IQCC: variants seen among roughly 807,000 people sequenced by gnomAD.
IQCC encodes IQ domain-containing protein C.
A neutral mutation model predicts 27.0 loss-of-function variants in IQCC; 23 were observed. The observed-to-expected ratio is 0.85, with a 90% CI of 0.61 to 1.21. IQCC has a LOEUF of 1.21. Among genes scored for constraint, IQCC ranks in the 50% most tolerant of loss-of-function variants. The pLI, the probability that IQCC is intolerant of heterozygous loss-of-function variation, is 0.00. For missense variants in IQCC, 552 were observed against 562.3 expected, an observed-to-expected ratio of 0.98 and a Z score of 0.19; for synonymous variants, 220 against 217.2, an observed-to-expected ratio of 1.01 and a Z score of -0.11.
Position 32,206,709 on chromosome 1 carries a change from C to G in IQCC, c.387C>G (p.Asn129Lys). Residue 129 changes from asparagine to lysine, a missense_variant, in exon 3 of 5, where the codon AAC (asparagine) becomes AAG (lysine). Transcript: ENST00000291358. ...DHSSWLQMKQ[N>K]RKPSQEKTRD... ...GCTCCTGGCTTCAGATGAAGCAGAACAGGAAACCCAGCCAAGAGAAGACCA... is the reference window on the plus strand; with the variant it reads ...GCTCCTGGCTTCAGATGAAGCAGAAGAGGAAACCCAGCCAAGAGAAGACCA... 6.2e-7 allele frequency: 1 copy of G among 1,614,190 alleles called. No individual in the cohort carries two copies. The highest frequency in any genetic ancestry group is 2.2e-5 in the East Asian group (1 of 44,886).
Position 32,205,675 on chromosome 1 carries a change from G to A in IQCC, c.-7G>A, listed in dbSNP as rs201919712. On this transcript the variant is annotated 5_prime_UTR_variant, in exon 1 of 5. Transcript: ENST00000291358. The surrounding 1 kb of genome is among the most constrained non-coding windows in gnomAD (Gnocchi z 5.6). ...AGGCGCGCGGGCGGGCCTGGCAGTT[G>A]GCGCCCATGGAGCCAGAGCTGCTGG... 7 of 1,594,958 alleles carry A rather than the reference G, an allele frequency of 4.4e-6. No individual in the cohort carries two copies. In the East Asian group the frequency reaches 1.4e-4, roughly 31 times the overall value.
In IQCC at chr1:32,208,652, AG is replaced by A. The variant is rs2124202880; in HGVS notation, c.*572del. On this transcript the variant is annotated 3_prime_UTR_variant, in exon 5 of 5. Transcript: ENST00000291358. Reference sequence around the variant, plus strand: ...AGTTACCTGGGGGAAGTAGAATGAGAGGTCTGTTGGGAATAAAGGTTTTTCT... The same window carrying A: ...AGTTACCTGGGGGAAGTAGAATGAGAGTCTGTTGGGAATAAAGGTTTTTCT... 2 of 175,426 alleles carry A rather than the reference AG, an allele frequency of 1.1e-5. No homozygotes were observed. Among genetic ancestry groups the A allele is most frequent in the East Asian group, 3.2e-4 (2 of 6,284 alleles). 10.9% of individuals were successfully genotyped at this position (175,426 alleles called of 1,614,324 possible). A position where few individuals can be genotyped will look rare whatever the true frequency, so the allele number is the denominator to read the frequency against.
Position 32,205,764 on chromosome 1 carries a change from G to A in IQCC, c.42+41G>A. 1.9e-6 allele frequency: 3 copies of A among 1,607,052 alleles called. No individual in the cohort carries two copies. The highest frequency in any genetic ancestry group is 2.5e-6 in the Non-Finnish European group (3 of 1,177,748). On this transcript the variant is annotated intron_variant, in intron 1 of 4. Coordinates refer to ENST00000291358, the MANE Select transcript of IQCC (RefSeq NM_018134.3). This position sits in a 1 kb window ranked among gnomAD's most constrained non-coding sequence, Gnocchi z 5.6. ...CGGGGTTCACAGGATTTTTCCTTTA[G>A]GGAAATCATGGGGTCTCGTACCTGG...
rs778161172 is a variant in IQCC, at chr1:32,207,210, T to C, written c.559-30T>C. 8 of 1,611,614 alleles carry C rather than the reference T, an allele frequency of 5.0e-6. No individual in the cohort carries two copies. In the East Asian group the frequency reaches 1.8e-4, roughly 36 times the overall value. On this transcript the variant is annotated intron_variant, in intron 4 of 4. Coordinates refer to ENST00000291358, the MANE Select transcript of IQCC (RefSeq NM_018134.3). ...CCTGCCATGCCCAAGCAGGCCTGCT[T>C]GGTACAATGTATGTTCTCTCCCCCA...
rs766752116 is a variant in IQCC at position 32,206,241 on chromosome 1, C to G, written c.130C>G (p.Leu44Val). 2.1e-5 allele frequency: 34 copies of G among 1,614,074 alleles called. No individual in the cohort carries two copies. The East Asian group carries it at 7.1e-4, about 34-fold the overall frequency. ...EAIVREVEGD[L>V]GTLQWTEGRI... ...GATTGTACGAGAGGTCGAGGGCGAC[C>G]TGGGCACGCTTCAGTGGACCGAGGG... Residue 44 changes from leucine (L) to valine (V), a missense_variant, in exon 2 of 5, where the codon CTG (leucine) becomes GTG (valine). Transcript: ENST00000291358.
At position 32,207,284 on chromosome 1, in the gene IQCC, G is replaced by A. The variant is rs143971469; in HGVS notation, c.603G>A (p.Pro201=). The A allele has an allele frequency of 8.7e-5, 141 of 1,613,838 alleles. No individual in the cohort carries two copies. In the African/African-American group the frequency reaches 1.1e-3, roughly 13 times the overall value. The change falls in exon 5 of 5, where the codon CCG becomes CCA. Residue 201 remains proline, a synonymous_variant. Coordinates refer to ENST00000291358, the MANE Select transcript of IQCC (RefSeq NM_018134.3). ...CACTGAGATCCCCAGAGGCGGGCCC[G>A]ATCAGAGAGGAACCCCGCGTGTTCC... ...KQTLRSPEAG[P]IREEPRVFLE... is the part of the protein sequence containing the mutation.
In IQCC at chr1:32,207,773, TGACTGCC is replaced by T; in HGVS notation, c.1095_1101del (p.Asp365GlufsTer103). The T allele has an allele frequency of 6.2e-7, 1 of 1,614,004 alleles. No individual in the cohort carries two copies. The highest frequency in any genetic ancestry group is 8.5e-7 in the Non-Finnish European group (1 of 1,179,984). On this transcript the variant is annotated frameshift_variant, in exon 5 of 5. Coordinates refer to ENST00000291358, the MANE Select transcript of IQCC (RefSeq NM_018134.3). LOFTEE classifies it low-confidence loss of function (END_TRUNC). Reference sequence around the variant, plus strand: ...CCAGAAAACTAGACCACAAAGAGCCTGACTGCCGAACAGTCAGGACACAAGAGTTGGG... The same window carrying T: ...CCAGAAAACTAGACCACAAAGAGCCTGAACAGTCAGGACACAAGAGTTGGG...
At chr1:32,206,001 C>A (rs997608453) in intron 1 of IQCC, 153 bp from the exon 2 acceptor site, 2 of 1,576,668 alleles carry the variant, frequency 1.3e-6, no homozygotes, top group African/African-American at 1.4e-5. Context: ...GTCCCTCGAG[C>A]CCCCCGGAGC....
Position 32,208,146 on chromosome 1 carries a change from AG to A in IQCC, c.*65del. ...AATGCTATGAAAGGGCAGTGAGACA[AG>A]ACCTCATCCTACCTCCCTGACCAGC... On this transcript the variant is annotated 3_prime_UTR_variant, in exon 5 of 5. Coordinates refer to ENST00000291358, the MANE Select transcript of IQCC (RefSeq NM_018134.3). 6.8e-7 allele frequency: 1 copy of A among 1,475,426 alleles called. No individual in the cohort carries two copies. The allele number at this position is 1,475,426 out of a possible 1,614,324, so 91.4% of individuals were successfully genotyped here.
rs1245682794 is a variant in IQCC, at chr1:32,206,176, T to C, written c.65T>C (p.Val22Ala). ...CAGGCCTGCGTCCGGGGCTTCTTGG[T>C]CCGACGCCAGTTCCAGAGCCTGCGA... is the stretch of plus-strand genomic sequence containing the variant. The part of the protein sequence containing the change: ...ALQACVRGFL[V>A]RRQFQSLRAE... The change falls in exon 2 of 5, where the codon GTC becomes GCC. Residue 22 changes from valine (V) to alanine (A), a missense_variant. By Grantham distance (64) the Val-to-Ala change is moderately conservative (BLOSUM62 0). Coordinates refer to ENST00000291358, the MANE Select transcript of IQCC (RefSeq NM_018134.3). 10 of 1,613,800 alleles carry C rather than the reference T, an allele frequency of 6.2e-6. No homozygotes were observed. The highest frequency in any genetic ancestry group is 7.6e-6 in the Non-Finnish European group (9 of 1,179,734).
chr1:32,206,837 T>C, intron 3 of IQCC, 76 bp downstream of exon 3: 1 of 1,544,106 alleles, frequency 6.5e-7, no homozygotes, highest in Non-Finnish European at 8.9e-7. Context: ...AGTGAAAGGC[T>C]TGCGCTAGAT....
chr1:32,206,061 C>T, intron 1 of IQCC, 93 bp from the exon 2 acceptor site: 2 of 1,600,932 alleles, frequency 1.2e-6, no homozygotes, highest in Non-Finnish European at 1.7e-6. Flanking sequence ...TCCCCTCTTG[C>T]ATTCGCCGGG....
rs751666356 is a variant in IQCC at position 32,207,992 on chromosome 1, G to A, written c.1311G>A (p.Lys437=). Residue 437 remains lysine (K), a synonymous_variant, in exon 5 of 5, where the codon AAG becomes AAA. Coordinates refer to ENST00000291358, the MANE Select transcript of IQCC (RefSeq NM_018134.3). ...AGAGGACTATACCATGGAGATCAAA[G>A]TCACCTGAGATTCTGTCTTCTACAA... ...KKQRTIPWRS[K]SPEILSSTKA... 9.3e-6 allele frequency: 15 copies of A among 1,614,206 alleles called. No homozygotes were observed. Among genetic ancestry groups the A allele is most frequent in the Middle Eastern group, 1.6e-4 (1 of 6,062 alleles).
rs374618392 is a variant in IQCC at position 32,207,840 on chromosome 1, T to C, written c.1159T>C (p.Leu387=). 4.3e-6 allele frequency: 7 copies of C among 1,613,894 alleles called. No homozygotes were observed. Among genetic ancestry groups the C allele is most frequent in the East Asian group, 2.2e-5 (1 of 44,884 alleles). ...GGACCACATCATCTGGGATGGTACC[T>C]TGGGGGGGCCAGAGCATAGTGTCCT... The part of the protein sequence containing the change: ...SEDHIIWDGT[L]GGPEHSVLDL... Residue 387 remains leucine (L), a synonymous_variant, in exon 5 of 5, where the codon TTG becomes CTG. Transcript: ENST00000291358.
Position 32,207,567 on chromosome 1 carries a change from G to A in IQCC, c.886G>A (p.Asp296Asn). 1 of 1,612,638 alleles carries A rather than the reference G, an allele frequency of 6.2e-7. No homozygotes were observed. Among genetic ancestry groups the A allele is most frequent in the Non-Finnish European group, 8.5e-7 (1 of 1,179,364 alleles). ...ACCATCAAACAGCCAGGCCTTGGGG[G>A]ACAGGCTCACCAAAGGGCCAGACGA... ...SIPSNSQALG[D>N]RLTKGPDDGR... The change falls in exon 5 of 5, where the codon GAC becomes AAC. Residue 296 changes from aspartate (D) to asparagine (N), a missense_variant. Asp to Asn is a conservative substitution (Grantham distance 23). Coordinates refer to ENST00000291358, the MANE Select transcript of IQCC (RefSeq NM_018134.3).
At position 32,207,103 on chromosome 1, in the gene IQCC, A is replaced by G. The variant is rs773889511; in HGVS notation, c.541A>G (p.Ile181Val). 10 of 1,610,204 alleles carry G rather than the reference A, an allele frequency of 6.2e-6. No individual in the cohort carries two copies. The African/African-American group carries it at 1.1e-4, about 17-fold the overall frequency. ...GGAATTGCTGTGGCTGCAACAGGCC[A>G]TCAATAGCCGTAAGGAGGTAACACT... ...AMELLWLQQA[I>V]NSRKEYLLLK... Residue 181 changes from isoleucine (I) to valine (V), a missense_variant, in exon 4 of 5, where the codon ATC (isoleucine) becomes GTC (valine). Ile to Val is a conservative substitution (Grantham distance 29, BLOSUM62 3). Transcript: ENST00000291358.
rs751502245 is a variant in IQCC at position 32,205,856 on chromosome 1, G to C, written c.42+133G>C. 49 of 1,553,812 alleles carry C rather than the reference G, an allele frequency of 3.2e-5. No individual in the cohort carries two copies. In the African/African-American group the frequency reaches 6.4e-4, roughly 20 times the overall value. ...GCGCCAACCTCTGGAGATACCGGCT[G>C]TCCCCAACCGCGCTGAGGAAAGCTG... On this transcript the variant is annotated intron_variant, in intron 1 of 4. Transcript: ENST00000291358. The surrounding 1 kb of genome is among the most constrained non-coding windows in gnomAD (Gnocchi z 5.6).
At chr1:32,206,060 G>A in intron 1 of IQCC, 94 bp from the exon 2 acceptor site, 1 of 1,601,342 alleles carries the variant, frequency 6.2e-7, no homozygotes, top group Non-Finnish European at 8.5e-7. Context: ...GTCCCCTCTT[G>A]CATTCGCCGG....
rs780618520 is a variant in IQCC at position 32,206,981 on chromosome 1, CCTTT to C, written c.440-17_440-14del. ...TCTGGTCCCTCAAGGTTTTCTCCTT[CCTTT>C]CTTCCCTCCTTCACAGAAGCCACAG... On this transcript the variant is annotated splice_polypyrimidine_tract_variant and intron_variant, in intron 3 of 4. Coordinates refer to ENST00000291358, the MANE Select transcript of IQCC (RefSeq NM_018134.3). 1.3e-6 allele frequency: 2 copies of C among 1,577,554 alleles called. No homozygotes were observed. The highest frequency in any genetic ancestry group is 2.3e-5 in the South Asian group (2 of 88,632).
Sources: allele counts gnomAD v4.1 joint callset, GRCh38; gene constraint gnomAD v4.1.1; non-coding constraint Gnocchi (gnomAD v3.1); transcripts MANE v1.5; gene names NCBI Gene and HGNC (gene_info 2026-07-23, HGNC 2026-07-21).